The following CSMD2 variants were observed in gnomAD, a reference collection of about 807,000 sequenced individuals.
The protein encoded by CSMD2 is CUB and sushi domain-containing protein 2.
A neutral mutation model predicts 398.5 loss-of-function variants in CSMD2; 130 were observed. The observed-to-expected ratio is 0.33, with a 90% confidence interval of 0.28 to 0.38. The LOEUF (loss-of-function observed/expected upper bound fraction) is 0.38. CSMD2 is among the 10% of genes least tolerant of loss of function. The pLI is 1.00. For synonymous variants in CSMD2, 1,828 were observed against 1,908.5 expected (o/e 0.96, Z 1.10); for missense variants, 3,829 against 4,764.9 (o/e 0.80, Z 5.78).
chr1:33,518,848 A>G lies in CSMD2; in HGVS notation c.*53+617T>C, dbSNP rs990231010. Among the ~76,000 whole-genome samples, 2 of 152,140 alleles carry G rather than the reference A, an allele frequency of 1.3e-5. No homozygotes were observed. Among genetic ancestry groups the G allele is most frequent in the Non-Finnish European group, 2.9e-5 (2 of 68,012 alleles). On this transcript the variant is annotated intron_variant, in intron 70 of 70. Coordinates refer to ENST00000373381, the MANE Select transcript of CSMD2 (RefSeq NM_001281956.2). The surrounding 1 kb of genome is among the most constrained non-coding windows in gnomAD (Gnocchi z 4.3). Reference sequence around the variant, plus strand: ...TATTTATTTATATTTCTATCTCTATATAACATTTACATATAGCTCTACGGA... The same window carrying G: ...TATTTATTTATATTTCTATCTCTATGTAACATTTACATATAGCTCTACGGA...
chr1:33,710,399 CTGAATGAA>C (rs10632721), intron 21 of CSMD2, among the ~76,000 whole-genome samples: 21 of 151,938 alleles, frequency 1.4e-4, no homozygotes, highest in Admixed American at 3.9e-4. Context: ...TAAATATTTA[CTGAATGAA>C]TGAATGAATG....
At chr1:33,941,786 T>C (rs1454749228) in intron 3 of CSMD2, among the ~76,000 whole-genome samples, 2 of 152,148 alleles carry the variant, frequency 1.3e-5, no homozygotes, top group Non-Finnish European at 2.9e-5. Flanking sequence ...TTTCTATACT[T>C]GCTGTCTCCA....
At chr1:33,916,265 G>T (rs968386751) in intron 5 of CSMD2, among the ~76,000 whole-genome samples, 1 of 152,048 alleles carries the variant, frequency 6.6e-6, no homozygotes, top group Non-Finnish European at 1.5e-5. Flanking sequence ...TCTAGGCCAA[G>T]AAAAAAGGTC....
intron 67 of CSMD2, 26 bp downstream of exon 67, chr1:33,523,281 G>T: frequency 9.4e-7 from 1 of 1,065,456 alleles, no homozygotes; most frequent in Non-Finnish European, 1.5e-6. Context: ...GGGAGTCAGG[G>T]GAGGAGGTGA....
intron 3 of CSMD2, among the ~76,000 whole-genome samples, chr1:34,029,655 A>G (rs987142020): frequency 1.3e-5 from 2 of 152,228 alleles, no homozygotes; most frequent in African/African-American, 4.8e-5. Flanking sequence ...CTCCTTTGTT[A>G]GCACAGACAC....
intron 12 of CSMD2, among the ~76,000 whole-genome samples, chr1:33,787,101 A>G (rs1440708955): frequency 6.6e-6 from 1 of 152,198 alleles, no homozygotes; most frequent in Non-Finnish European, 1.5e-5. Flanking sequence ...ACAAAGGCAG[A>G]GACTGGAGTG....
chr1:33,717,767 T>C (rs187904426), intron 19 of CSMD2, among the ~76,000 whole-genome samples: 101 of 151,608 alleles, frequency 6.7e-4, no homozygotes, highest in Non-Finnish European at 1.3e-3. Context: ...ATTGGAAGCA[T>C]GGGCAGAAGT....
intron 1 of CSMD2, among the ~76,000 whole-genome samples, chr1:34,097,337 A>G (rs1164072103): frequency 1.4e-5 from 2 of 141,028 alleles, no homozygotes; most frequent in Non-Finnish European, 3.1e-5. Context: ...ATTACCATTC[A>G]GGACATAGGC....
chr1:33,874,912 C>G lies in CSMD2; in HGVS notation c.921-27916G>C, dbSNP rs886355270. On this transcript the variant is annotated intron_variant, in intron 5 of 70. Transcript: ENST00000373381. ...CTGTGGTCCCTGGGGCTGTCCCTCA[C>G]TGATGCAGCTGCGAGTACATTTGTG... Among the ~76,000 whole-genome samples, 3 of 152,244 alleles carry G rather than the reference C, an allele frequency of 2.0e-5. No homozygotes were observed. In the South Asian group the frequency reaches 6.2e-4, roughly 32 times the overall value.
chr1:33,981,013 C>A (rs1316688682), intron 3 of CSMD2, among the ~76,000 whole-genome samples: 1 of 152,110 alleles, frequency 6.6e-6, no homozygotes, highest in Non-Finnish European at 1.5e-5. Context: ...TCAGAATAGA[C>A]CAGGCGAACC....
intron 3 of CSMD2, among the ~76,000 whole-genome samples, chr1:33,990,640 A>G (rs1034567211): frequency 6.6e-6 from 1 of 152,148 alleles, no homozygotes; most frequent in Non-Finnish European, 1.5e-5. Context: ...TGGGAAAAAC[A>G]ATGGGCTCTT....
chr1:33,688,406 A>G (rs938756835), intron 25 of CSMD2, among the ~76,000 whole-genome samples: 1 of 152,252 alleles, frequency 6.6e-6, no homozygotes, highest in Middle Eastern at 3.2e-3. Flanking sequence ...CAAAAGAATA[A>G]GTAGAGCAGA....
chr1:33,755,467 CCTTT>C (rs1252523818), intron 13 of CSMD2, among the ~76,000 whole-genome samples: 1 of 152,152 alleles, frequency 6.6e-6, no homozygotes, highest in Non-Finnish European at 1.5e-5. Flanking sequence ...ACTTTAGGCT[CCTTT>C]CTTTCTAAGG....
At chr1:33,524,749 A>C (rs1654618624) in intron 66 of CSMD2, 133 bp downstream of exon 66, 2 of 813,706 alleles carry the variant, frequency 2.5e-6, no homozygotes, top group South Asian at 3.8e-5. Flanking sequence ...ATGAATAGAC[A>C]CTTCCTCTTC....
At chr1:33,646,927 C>A in intron 28 of CSMD2, 92 bp from the exon 29 acceptor site, 1 of 1,306,968 alleles carries the variant, frequency 7.7e-7, no homozygotes, top group Non-Finnish European at 1.0e-6. Context: ...TAGGGCCTCC[C>A]AGGGAGCAAG....
chr1:33,949,619 C>A (rs1644943225), intron 3 of CSMD2, among the ~76,000 whole-genome samples: 1 of 152,222 alleles, frequency 6.6e-6, no homozygotes, highest in Non-Finnish European at 1.5e-5. Context: ...CCTGGCTCAC[C>A]AGCCAGTGGC....
At chr1:33,844,869 A>C (rs1661207166) in intron 6 of CSMD2, among the ~76,000 whole-genome samples, 1 of 152,206 alleles carries the variant, frequency 6.6e-6, no homozygotes, top group Admixed American at 6.5e-5. Flanking sequence ...TGATAGAGGG[A>C]ACAGAGAACA....
chr1:33,952,122 G>A (rs1385575627), intron 3 of CSMD2, among the ~76,000 whole-genome samples: 1 of 152,208 alleles, frequency 6.6e-6, no homozygotes, highest in Non-Finnish European at 1.5e-5. Context: ...TAAGGGCTGA[G>A]TCCTAGGAAA....
intron 4 of CSMD2, among the ~76,000 whole-genome samples, 171 bp downstream of exon 4, chr1:33,935,589 A>G (rs549086884): frequency 3.0e-4 from 45 of 152,310 alleles, no homozygotes; most frequent in African/African-American, 1.0e-3. Flanking sequence ...TGAGGTTGAA[A>G]TACCCCTAGA....
Sources: gnomAD v4.1 joint callset for allele counts (sites outside exome capture counted in the v4.1 genomes callset) on GRCh38, gnomAD v4.1.1 for gene constraint, Gnocchi (gnomAD v3.1) non-coding constraint, MANE v1.5 for transcripts, NCBI Gene and HGNC (gene_info 2026-07-23, HGNC 2026-07-21) for gene names.